ARHGAP9: variants seen among roughly 807,000 people sequenced by gnomAD.
The protein encoded by ARHGAP9 is Rho GTPase activating protein 9.
In ARHGAP9, 76 loss-of-function variants were observed where a neutral mutation model predicts 87.3. The ratio of observed to expected loss-of-function variants is 0.87; its 90% CI spans 0.72 to 1.05. ARHGAP9 has a LOEUF of 1.05. ARHGAP9 is among the 50% of genes least tolerant of loss of function. The probability of loss-of-function intolerance (pLI) is 0.00; values close to 1 mark genes in which losing one functional copy is unlikely to be tolerated. For missense variants in ARHGAP9, 941 were observed against 960.5 expected (o/e 0.98, Z 0.27); for synonymous variants, 382 against 394.9 (o/e 0.97, Z 0.39).
chr12:57,487,038 G>T (rs1875473574), intron 1 of ARHGAP9, among the ~76,000 whole-genome samples: 1 of 150,626 alleles, frequency 6.6e-6, no homozygotes, highest in African/African-American at 2.4e-5. Flanking sequence ...GTGCAATGGC[G>T]CGGTCTCGGC....
Position 57,479,308 on chromosome 12 carries a change from A to G in ARHGAP9, c.99T>C (p.Phe33=). ...RGSQLCALYA[F]TYTGADGQQV... ...GCTGGCCATCTGCCCCAGTATAAGT[A>G]AAGGCATAGAGGGCACAGAGCTGGG... is the stretch of plus-strand genomic sequence containing the variant. Residue 33 remains phenylalanine, a synonymous_variant, in exon 2 of 18, where the codon TTT becomes TTC. Transcript: ENST00000393791. The G allele has an allele frequency of 6.2e-7, 1 of 1,614,218 alleles. No homozygotes were observed. The highest frequency in any genetic ancestry group is 8.5e-7 in the Non-Finnish European group (1 of 1,180,028).
rs1316662808 is a variant in ARHGAP9, at chr12:57,479,112, C to T, written c.295G>A (p.Gly99Ser). 4 of 1,613,894 alleles carry T rather than the reference C, an allele frequency of 2.5e-6. No individual in the cohort carries two copies. Among genetic ancestry groups the T allele is most frequent in the Non-Finnish European group, 3.4e-6 (4 of 1,179,988 alleles). Residue 99 changes from glycine to serine, a missense_variant, in exon 2 of 18, where the codon GGC becomes AGC. Physicochemically the swap from Gly to Ser is moderately conservative, Grantham distance 56. Coordinates refer to ENST00000393791, the MANE Select transcript of ARHGAP9 (RefSeq NM_032496.4). ...PSQSPTTVIP[G>S]QLLWTPGPKL... ...TCACCAGGAGTCCAGAGCAATTGGC[C>T]GGGGATGACGGTAGTTGGACTCTGG...
chr12:57,477,904 A>G (rs1384602570), intron 3 of ARHGAP9: 1 of 1,329,712 alleles, frequency 7.5e-7, no homozygotes, highest in Non-Finnish European at 9.7e-7. Flanking sequence ...CCTGTTGCCA[A>G]CTTCCCGCCT....
At chr12:57,482,476 G>A (rs1181383353), upstream of ARHGAP9, among the ~76,000 whole-genome samples, 5 of 152,038 alleles carry the variant, frequency 3.3e-5, no homozygotes, top group Non-Finnish European at 7.4e-5. Context: ...TCCTGACCTC[G>A]TGATCCACCC....
intron 1 of ARHGAP9, chr12:57,488,342 C>T: frequency 2.6e-6 from 2 of 779,010 alleles, no homozygotes; most frequent in Non-Finnish European, 4.1e-6. Flanking sequence ...GATCACTCCA[C>T]GCCTTCTTCC....
intron 7 of ARHGAP9, 37 bp from the exon 8 acceptor site, chr12:57,476,491 A>G: frequency 1.2e-6 from 2 of 1,612,820 alleles, no homozygotes; most frequent in Non-Finnish European, 1.7e-6. Context: ...GGTAGCGAAC[A>G]GGTCATTCTA....
At chr12:57,484,296 G>C (rs1875241379), upstream of ARHGAP9, among the ~76,000 whole-genome samples, 1 of 150,332 alleles carries the variant, frequency 6.7e-6, no homozygotes, top group Non-Finnish European at 1.5e-5. Flanking sequence ...AGGTTGCAGT[G>C]AGCCAAGATT....
intron 1 of ARHGAP9, chr12:57,488,066 G>A: frequency 6.2e-7 from 1 of 1,602,492 alleles, no homozygotes; most frequent in Non-Finnish European, 8.5e-7. Flanking sequence ...GGTTCCGGTT[G>A]CATCAGCGAG....
chr12:57,472,685 C>A lies in ARHGAP9; in HGVS notation c.2028G>T (p.Val676=). ...TGCGATTCTTATCTGAGTGTGCTAT[C>A]ACCCTGTAAGCAAAGGCCAAGGAAG... ...LRYLLEHLCR[V]IAHSDKNRMT... The change falls in exon 18 of 18, where the codon GTG becomes GTT. Residue 676 remains valine, a synonymous_variant. Transcript: ENST00000393791. The A allele has an allele frequency of 3.1e-6, 5 of 1,614,202 alleles. No homozygotes were observed. Among genetic ancestry groups the A allele is most frequent in the Non-Finnish European group, 4.2e-6 (5 of 1,180,022 alleles).
In ARHGAP9 at chr12:57,476,821, G is replaced by GA. The variant is rs1491073603; in HGVS notation, c.963+49dup. The GA allele has an allele frequency of 2.0e-6, 3 of 1,507,502 alleles. No homozygotes were observed. The African/African-American group carries it at 4.1e-5, about 21-fold the overall frequency. The allele number at this position is 1,507,502 out of a possible 1,614,324, so 93.4% of individuals were successfully genotyped here. ...GTTTATGTGGAGCAGGAAAAGGGGGGAGGGGGGGCAGGGAGGATCTTGGCC... is the reference window on the plus strand; with the variant it reads ...GTTTATGTGGAGCAGGAAAAGGGGGGAAGGGGGGGCAGGGAGGATCTTGGCC... On this transcript the variant is annotated intron_variant, in intron 6 of 17. Transcript: ENST00000393791.
In ARHGAP9 at chr12:57,488,169, G is replaced by A. The variant is rs1565635709; in HGVS notation, c.-204+443C>T. 11 of 1,614,178 alleles carry A rather than the reference G, an allele frequency of 6.8e-6. No homozygotes were observed. The highest frequency in any genetic ancestry group is 7.6e-6 in the Non-Finnish European group (9 of 1,180,020). ...CGCCGGGAGAGCCCGGGGCAGAGCAGAGGTGCTCATCAGCACTGTAGGCCC... is the reference window on the plus strand; with the variant it reads ...CGCCGGGAGAGCCCGGGGCAGAGCAAAGGTGCTCATCAGCACTGTAGGCCC... On this transcript the variant is annotated intron_variant, in intron 1 of 20. Transcript: ENST00000393797.
Position 57,475,298 on chromosome 12 carries a change from C to T in ARHGAP9, c.1545G>A (p.Leu515=). ...PPLQSLQERG[L]LRDQVFGCQL... The stretch of plus-strand genomic sequence containing the variant: ...CTGGCCCAGCCCCCTCACCTCGGAG[C>T]AGACCCCGCTCCTGCAGGCTTTGTA... The change falls in exon 12 of 18, where the codon CTG becomes CTA. Residue 515 remains leucine (L), a synonymous_variant. Transcript: ENST00000393791. The T allele has an allele frequency of 1.3e-6, 2 of 1,591,738 alleles. No homozygotes were observed. The highest frequency in any genetic ancestry group is 1.7e-6 in the Non-Finnish European group (2 of 1,168,240).
chr12:57,488,120 G>A lies in ARHGAP9; in HGVS notation c.-204+492C>T, dbSNP rs751620229. 99 of 1,614,038 alleles carry A rather than the reference G, an allele frequency of 6.1e-5. No individual in the cohort carries two copies. The highest frequency in any genetic ancestry group is 4.9e-5 in the Non-Finnish European group (58 of 1,180,034). The stretch of plus-strand genomic sequence containing the variant: ...GACTGTTCGTGAGTGATGGCGTCCC[G>A]GGTTGCTTGCCGGTGCTGGCCGCCG... On this transcript the variant is annotated intron_variant, in intron 1 of 20. Transcript: ENST00000393797.
Position 57,479,154 on chromosome 12 carries a change from C to G in ARHGAP9, c.253G>C (p.Glu85Gln), listed in dbSNP as rs1874685605. The change falls in exon 2 of 18, where the codon GAG becomes CAG. Residue 85 changes from glutamate (E) to glutamine (Q), a missense_variant. Coordinates refer to ENST00000393791, the MANE Select transcript of ARHGAP9 (RefSeq NM_032496.4). ...PIFVPAAYMI[E>Q]ESIPSQSPTT... ...GGACTCTGGGAAGGGATGGATTCCT[C>G]TATCATATAGGCTGCTGGGACGAAG... The G allele has an allele frequency of 3.7e-6, 6 of 1,614,166 alleles. No individual in the cohort carries two copies. In the East Asian group the frequency reaches 1.3e-4, roughly 36 times the overall value.
chr12:57,476,814 A>T, intron 6 of ARHGAP9, 57 bp downstream of exon 6: 7 of 1,192,058 alleles, frequency 5.9e-6, no homozygotes, highest in Non-Finnish European at 8.4e-6. Context: ...GGAGCAGGAA[A>T]AGGGGGGAGG....
chr12:57,488,703 AC>A, exon 1 of ARHGAP9: 1 of 1,492,824 alleles, frequency 6.7e-7, no homozygotes, highest in South Asian at 1.2e-5. Context: ...TCCCACTGTG[AC>A]CTTCAGATAA....
intron 1 of ARHGAP9, chr12:57,488,523 C>T: frequency 2.6e-6 from 4 of 1,509,762 alleles, no homozygotes; most frequent in Non-Finnish European, 3.6e-6. Context: ...TCTTTAGTTA[C>T]TAGCATGACA....
chr12:57,475,977 A>T (rs745953846), intron 9 of ARHGAP9, 46 bp from the exon 10 acceptor site: 1 of 1,576,210 alleles, frequency 6.3e-7, no homozygotes. Flanking sequence ...GAAGGAGTAT[A>T]ATAAGCAGGG....
chr12:57,483,387 G>GTCTCATTGCATATAGT (rs887264203), upstream of ARHGAP9, among the ~76,000 whole-genome samples: 9 of 152,220 alleles, frequency 5.9e-5, no homozygotes, highest in South Asian at 6.2e-4. Flanking sequence ...TTCCTAACTA[G>GTCTCATTGCATATAGT]TCTCATTGCA....
Sources: gnomAD v4.1 joint callset for allele counts (sites outside exome capture counted in the v4.1 genomes callset) on GRCh38, gnomAD v4.1.1 for gene constraint, MANE v1.5 for transcripts, NCBI Gene and HGNC (gene_info 2026-07-23, HGNC 2026-07-21) for gene names.